GPATCH2: variants seen among roughly 807,000 people sequenced by gnomAD.
The protein encoded by GPATCH2 is G-patch domain containing 2, also known as G patch domain-containing protein 2.
In GPATCH2, 51 loss-of-function variants were observed where a neutral mutation model predicts 58.0. The ratio of observed to expected loss-of-function variants is 0.88; its 90% CI spans 0.70 to 1.11. GPATCH2 has a LOEUF of 1.11. Ranked by LOEUF, GPATCH2 falls within the 50% of genes most tolerant of loss-of-function variation. GPATCH2 has a pLI of 0.00. For synonymous variants in GPATCH2, 222 were observed against 218.5 expected (o/e 1.02, Z -0.14); for missense variants, 625 against 652.2 (o/e 0.96, Z 0.45).
At chr1:217,530,123 T>C (rs1037168056) in intron 5 of GPATCH2, among the ~76,000 whole-genome samples, 6 of 152,248 alleles carry the variant, frequency 3.9e-5, no homozygotes, top group Non-Finnish European at 5.9e-5. Flanking sequence ...TCCAATGCAG[T>C]GATCACAATG....
At position 217,620,472 on chromosome 1, in the gene GPATCH2, C is replaced by T; in HGVS notation, c.84G>A (p.Leu28=). 1.2e-6 allele frequency: 2 copies of T among 1,612,266 alleles called. No homozygotes were observed. The highest frequency in any genetic ancestry group is 1.7e-6 in the Non-Finnish European group (2 of 1,178,820). ...CCAATGCTGAGACAAGGTCATGAAC[C>T]AGCTCCTCCATGGTTCTACTGAAAT... ...SWHFSRTMEE[L]VHDLVSALEE... The change falls in exon 2 of 10, where the codon CTG becomes CTA. Residue 28 remains leucine, a synonymous_variant. Transcript: ENST00000366935.
intron 8 of GPATCH2, among the ~76,000 whole-genome samples, chr1:217,487,001 G>C (rs1043800103): frequency 1.3e-5 from 2 of 152,128 alleles, no homozygotes; most frequent in Non-Finnish European, 2.9e-5. Context: ...CTTTGTGTGG[G>C]GCAGGCAGCA....
intron 1 of GPATCH2, among the ~76,000 whole-genome samples, chr1:217,629,447 A>C (rs1669630503): frequency 6.6e-6 from 1 of 152,178 alleles, no homozygotes; most frequent in South Asian, 2.1e-4. Flanking sequence ...CATGATTTTA[A>C]AGGTAAAAGA....
At chr1:217,463,290 G>C (rs1254604166) in intron 8 of GPATCH2, among the ~76,000 whole-genome samples, 1 of 152,066 alleles carries the variant, frequency 6.6e-6, no homozygotes, top group Non-Finnish European at 1.5e-5. Flanking sequence ...TTCTCAAGCT[G>C]ATTTCCCACA....
rs73103799 is a variant in GPATCH2 at position 217,453,035 on chromosome 1, C to A, written c.1278-3698G>T. On this transcript the variant is annotated intron_variant, in intron 8 of 9. Transcript: ENST00000366935. ...CAAATGACACTAAGTAAGGTCTACT[C>A]TGTTATTTAGTTGTCACTCTTCATG... Among the ~76,000 whole-genome samples the A allele has an allele frequency of 7.1e-3, 1,084 of 152,270 alleles. 10 individuals carry two copies. The highest frequency in any genetic ancestry group is 0.025 in the African/African-American group (1,026 of 41,548).
intron 8 of GPATCH2, among the ~76,000 whole-genome samples, chr1:217,486,407 G>A (rs964298384): frequency 6.6e-6 from 1 of 151,762 alleles, no homozygotes; most frequent in African/African-American, 2.4e-5. Flanking sequence ...TTTTCTTTTT[G>A]TTTTGTTTTT....
At position 217,610,346 on chromosome 1, in the gene GPATCH2, T is replaced by A. The variant is rs765264419; in HGVS notation, c.1073A>T (p.Lys358Ile). 6.2e-7 allele frequency: 1 copy of A among 1,602,048 alleles called. No individual in the cohort carries two copies. The highest frequency in any genetic ancestry group is 8.5e-7 in the Non-Finnish European group (1 of 1,169,866). ...CATTGAAGTTGGAGTCCCTCCAGAT[T>A]TTTTAATATTCTTTGAAGACATTCC... ...LHGMSSKNIK[K>I]SGGTPTSMVP... Residue 358 changes from lysine to isoleucine, a missense_variant, in exon 5 of 10, where the codon AAA (lysine) becomes ATA (isoleucine). Transcript: ENST00000366935.
chr1:217,439,950 G>A (rs967471222), intron 9 of GPATCH2, among the ~76,000 whole-genome samples: 1 of 152,200 alleles, frequency 6.6e-6, no homozygotes, highest in Non-Finnish European at 1.5e-5. Flanking sequence ...AGAGGAGCTG[G>A]TACCATTCCT....
intron 8 of GPATCH2, among the ~76,000 whole-genome samples, chr1:217,458,078 A>G (rs1660031840): frequency 6.6e-6 from 1 of 152,140 alleles, no homozygotes; most frequent in Non-Finnish European, 1.5e-5. Flanking sequence ...ACACACAAAA[A>G]AATTAGCCAG....
At chr1:217,595,145 T>C in intron 5 of GPATCH2, among the ~76,000 whole-genome samples, 1 of 152,210 alleles carries the variant, frequency 6.6e-6, no homozygotes, top group African/African-American at 2.4e-5. Flanking sequence ...GAAGGATTAC[T>C]GAAGAAGGAA....
chr1:217,555,142 T>G (rs1665556771), intron 5 of GPATCH2, among the ~76,000 whole-genome samples: 1 of 152,184 alleles, frequency 6.6e-6, no homozygotes, highest in Non-Finnish European at 1.5e-5. Flanking sequence ...CAAGATTTAC[T>G]GAGATAGGTA....
intron 8 of GPATCH2, among the ~76,000 whole-genome samples, chr1:217,478,531 C>T (rs1370529683): frequency 6.6e-6 from 1 of 152,040 alleles, no homozygotes; most frequent in Non-Finnish European, 1.5e-5. Context: ...CAGAATAGAT[C>T]AAGCTGAAGA....
At chr1:217,491,879 T>TA (rs60848416) in intron 7 of GPATCH2, 129 bp from the exon 8 acceptor site, 1 of 390,466 alleles carries the variant, frequency 2.6e-6, no homozygotes, top group African/African-American at 2.2e-5. Flanking sequence ...TTTTTTTTTT[T>TA]AACTGGTTTC....
At chr1:217,566,724 A>T (rs1461203096) in intron 5 of GPATCH2, among the ~76,000 whole-genome samples, 1 of 152,242 alleles carries the variant, frequency 6.6e-6, no homozygotes, top group African/African-American at 2.4e-5. Context: ...ATTAACACTT[A>T]AAGGATGAGT....
intron 5 of GPATCH2, among the ~76,000 whole-genome samples, chr1:217,555,508 G>A (rs529594644): frequency 1.3e-5 from 2 of 152,220 alleles, no homozygotes; most frequent in East Asian, 3.9e-4. Context: ...ACTATTATAG[G>A]TTTGGCCTCA....
At chr1:217,506,196 A>G (rs745607959) in intron 6 of GPATCH2, among the ~76,000 whole-genome samples, 10 of 152,232 alleles carry the variant, frequency 6.6e-5, no homozygotes, top group Non-Finnish European at 1.3e-4. Flanking sequence ...GAACATTTCC[A>G]TTATTGTAAA....
intron 5 of GPATCH2, among the ~76,000 whole-genome samples, chr1:217,539,457 G>A (rs1369088651): frequency 2.0e-5 from 3 of 152,122 alleles, no homozygotes; most frequent in African/African-American, 4.8e-5. Flanking sequence ...ACAATGGCAG[G>A]TCAAACTTTT....
rs537963152 is a variant in GPATCH2, at chr1:217,478,386, T to C, written c.1277+13294A>G. Among the ~76,000 whole-genome samples, 14 of 151,998 alleles carry C rather than the reference T, an allele frequency of 9.2e-5. No individual in the cohort carries two copies. The South Asian group carries it at 2.9e-3, about 32-fold the overall frequency. Reference sequence around the variant, plus strand: ...TGAGGAAACTCAAAGAAATTCAAGATAACACAAAGAAGGAATTCAAAATTC... The same window carrying C: ...TGAGGAAACTCAAAGAAATTCAAGACAACACAAAGAAGGAATTCAAAATTC... On this transcript the variant is annotated intron_variant, in intron 8 of 9. Coordinates refer to ENST00000366935, the MANE Select transcript of GPATCH2 (RefSeq NM_018040.5).
chr1:217,562,961 A>G (rs1666004092), intron 5 of GPATCH2, among the ~76,000 whole-genome samples: 2 of 152,172 alleles, frequency 1.3e-5, no homozygotes, highest in African/African-American at 4.8e-5. Flanking sequence ...TGTTCTATGA[A>G]TAAACTTCTG....
Sources: gnomAD v4.1 joint callset for allele counts (sites outside exome capture counted in the v4.1 genomes callset) on GRCh38, gnomAD v4.1.1 for gene constraint, MANE v1.5 for transcripts, NCBI Gene and HGNC (gene_info 2026-07-23, HGNC 2026-07-21) for gene names.